DDB1: variants seen among roughly 807,000 people sequenced by gnomAD.
The protein encoded by DDB1 is damage specific DNA binding protein 1.
DDB1 carries 18 observed loss-of-function variants against 133.1 expected under a neutral mutation model. That is an observed-to-expected ratio of 0.14 (90% CI 0.09 to 0.20). DDB1 has a LOEUF of 0.20. Among genes scored for constraint, DDB1 ranks in the 10% least tolerant of loss-of-function variants. DDB1 has a pLI of 1.00. For synonymous variants in DDB1, 580 were observed against 550.5 expected, an observed-to-expected ratio of 1.05 and a Z score of -0.75; for missense variants, 828 against 1,459.2, an observed-to-expected ratio of 0.57 and a Z score of 7.05.
At chr11:61,329,186 C>T (rs1856320486) in intron 4 of DDB1, 177 bp downstream of exon 4, 1 of 602,704 alleles carries the variant, frequency 1.7e-6, no homozygotes, top group Admixed American at 2.6e-5. Flanking sequence ...ATAAGTACTA[C>T]TGCACTCAAG....
intron 25 of DDB1, chr11:61,301,188 C>A: frequency 2.3e-6 from 1 of 438,072 alleles, no homozygotes. Flanking sequence ...TAATGTGAAG[C>A]CCGTATATGT....
chr11:61,316,636 G>A lies in DDB1; in HGVS notation c.1226-69C>T, dbSNP rs1352433546. 5.9e-6 allele frequency: 9 copies of A among 1,521,250 alleles called. No individual in the cohort carries two copies. The South Asian group carries it at 9.0e-5, about 15-fold the overall frequency. 94.2% of individuals were successfully genotyped at this position (1,521,250 alleles called of 1,614,324 possible). On this transcript the variant is annotated intron_variant, in intron 10 of 26. Transcript: ENST00000301764. ...ACTTAGCATGCATATCTACGGACAG[G>A]GCAGGCCAGGGGCAGTGGCTCATGC...
intron 16 of DDB1, among the ~76,000 whole-genome samples, chr11:61,313,201 C>A (rs1350227822): frequency 1.3e-5 from 2 of 152,136 alleles, no homozygotes; most frequent in African/African-American, 4.8e-5. Flanking sequence ...TAGAGGGACA[C>A]AAAATGATCT....
At chr11:61,320,521 A>C (rs1187247762) in intron 10 of DDB1, among the ~76,000 whole-genome samples, 2 of 150,534 alleles carry the variant, frequency 1.3e-5, no homozygotes, top group African/African-American at 4.9e-5. Flanking sequence ...TTCTTTATTG[A>C]CCTTTTCCCA....
intron 10 of DDB1, among the ~76,000 whole-genome samples, chr11:61,318,594 T>C (rs1856127140): frequency 1.3e-5 from 2 of 152,224 alleles, no homozygotes; most frequent in Non-Finnish European, 2.9e-5. Context: ...ATGTTATAAA[T>C]TAGGAAGACT....
chr11:61,303,454 C>T (rs904535606), intron 22 of DDB1: 3 of 318,606 alleles, frequency 9.4e-6, no homozygotes, highest in African/African-American at 2.2e-5. Flanking sequence ...TTTGGGAGGC[C>T]GTGGCGGGCC....
chr11:61,330,191 G>T, intron 2 of DDB1, 117 bp from the exon 3 acceptor site: 1 of 741,486 alleles, frequency 1.3e-6, no homozygotes, highest in Non-Finnish European at 2.2e-6. Flanking sequence ...TCCCTAAAGA[G>T]AAAATACATG....
intron 4 of DDB1, among the ~76,000 whole-genome samples, chr11:61,328,753 T>C (rs945910825): frequency 2.0e-5 from 3 of 151,908 alleles, no homozygotes; most frequent in Non-Finnish European, 4.4e-5. Flanking sequence ...CACCTGTAAT[T>C]CCAGCTACTC....
chr11:61,302,410 T>A lies in DDB1; in HGVS notation c.3113-51A>T, dbSNP rs982170442. On this transcript the variant is annotated intron_variant, in intron 24 of 26. Coordinates refer to ENST00000301764, the MANE Select transcript of DDB1 (RefSeq NM_001923.5). ...CTGCAGAGAGCTCAACCCCACAGCA[T>A]GTATCCTCTACGTAAAGGGCAGCCC... 7 of 1,599,292 alleles carry A rather than the reference T, an allele frequency of 4.4e-6. No individual in the cohort carries two copies. In the Admixed American group the frequency reaches 5.0e-5, roughly 11 times the overall value.
Position 61,302,700 on chromosome 11 carries a change from G to A in DDB1, c.2994C>T (p.Phe998=). Residue 998 remains phenylalanine, a synonymous_variant, in exon 24 of 27, where the codon TTC becomes TTT. Coordinates refer to ENST00000301764, the MANE Select transcript of DDB1 (RefSeq NM_001923.5). ...AGACATTGACAAACTCGCCCAGGTGGAAAAGACCAACCTCCTGGAGGTGCT... is the reference window on the plus strand; with the variant it reads ...AGACATTGACAAACTCGCCCAGGTGAAAAAGACCAACCTCCTGGAGGTGCT... The part of the protein sequence containing the change: ...ERQHLQEVGL[F]HLGEFVNVFC... The A allele has an allele frequency of 6.2e-7, 1 of 1,614,220 alleles. No homozygotes were observed. The highest frequency in any genetic ancestry group is 1.1e-5 in the South Asian group (1 of 91,092).
At position 61,316,482 on chromosome 11, in the gene DDB1, C is replaced by T; in HGVS notation, c.1301+10G>A. On this transcript the variant is annotated intron_variant, in intron 11 of 26. Transcript: ENST00000301764. ...CCAGCACCTACAGCTGGCACTAGAC[C>T]CATCCTTACCTTGTCTGGCCCACAA... 1 of 1,614,136 alleles carries T rather than the reference C, an allele frequency of 6.2e-7. No individual in the cohort carries two copies. Among genetic ancestry groups the T allele is most frequent in the Non-Finnish European group, 8.5e-7 (1 of 1,180,012 alleles).
chr11:61,313,837 C>G (rs143791049), intron 15 of DDB1, 25 bp downstream of exon 15: 1 of 1,609,576 alleles, frequency 6.2e-7, no homozygotes, highest in South Asian at 1.1e-5. Context: ...TTGAAAGAGT[C>G]CCTCACTCAA....
intron 25 of DDB1, 145 bp downstream of exon 25, chr11:61,302,112 A>C: frequency 1.5e-6 from 1 of 674,698 alleles, no homozygotes; most frequent in Non-Finnish European, 2.5e-6. Context: ...TTCCACATGA[A>C]AAAGTCAAAA....
At chr11:61,325,118 A>G (rs1565037495) in intron 6 of DDB1, among the ~76,000 whole-genome samples, 2 of 152,166 alleles carry the variant, frequency 1.3e-5, no homozygotes, top group African/African-American at 2.4e-5. Context: ...ACTGCACTCC[A>G]GCCTGGGCAA....
intron 21 of DDB1, among the ~76,000 whole-genome samples, chr11:61,306,417 C>A (rs1165871437): frequency 6.6e-6 from 1 of 152,168 alleles, no homozygotes; most frequent in Non-Finnish European, 1.5e-5. Context: ...AGGCTCACAC[C>A]ACCAGACCAC....
intron 7 of DDB1, chr11:61,323,350 C>T: frequency 2.1e-6 from 1 of 484,184 alleles, no homozygotes. Flanking sequence ...AAGATACTGC[C>T]TAAGTATTAA....
At chr11:61,330,405 C>T (rs1856347208) in intron 2 of DDB1, among the ~76,000 whole-genome samples, 1 of 139,672 alleles carries the variant, frequency 7.2e-6, no homozygotes, top group Admixed American at 7.8e-5. Context: ...GCCTCCTCCA[C>T]TCCTCCCCAA....
intron 12 of DDB1, chr11:61,314,692 A>G: frequency 1.9e-6 from 1 of 530,466 alleles, no homozygotes; most frequent in Non-Finnish European, 3.2e-6. Context: ...AAAGTAGCTT[A>G]CAGCTTACAA....
chr11:61,312,156 G>C, intron 16 of DDB1, 72 bp from the exon 17 acceptor site: 2 of 1,380,492 alleles, frequency 1.4e-6, no homozygotes, highest in Non-Finnish European at 2.1e-6. Context: ...CAACTCCACA[G>C]AGGAAGAAAA....
Sources: allele counts gnomAD v4.1 joint callset (sites outside exome capture counted in the v4.1 genomes callset), GRCh38; gene constraint gnomAD v4.1.1; transcripts MANE v1.5; gene names NCBI Gene and HGNC (gene_info 2026-07-23, HGNC 2026-07-21).